ARFGAP3: variants seen among roughly 807,000 people sequenced by gnomAD.
The protein encoded by ARFGAP3 is ARF GTPase activating protein 3.
In ARFGAP3, 72 loss-of-function variants were observed where a neutral mutation model predicts 75.0. The observed-to-expected ratio is 0.96, with a 90% CI of 0.79 to 1.17. The LOEUF is 1.17. Among genes scored for constraint, ARFGAP3 ranks in the 50% most tolerant of loss-of-function variants. The pLI is 0.00. For synonymous variants in ARFGAP3, 221 were observed against 217.9 expected, an observed-to-expected ratio of 1.01 and a Z score of -0.13; for missense variants, 620 against 626.6, an observed-to-expected ratio of 0.99 and a Z score of 0.11.
chr22:42,834,382 A>G, intron 4 of ARFGAP3, 57 bp from the exon 5 acceptor site: 1 of 1,584,530 alleles, frequency 6.3e-7, no homozygotes, highest in Admixed American at 1.9e-5. Context: ...AAAGGATTTT[A>G]TTTGATACCT....
intron 9 of ARFGAP3, among the ~76,000 whole-genome samples, chr22:42,818,546 A>T (rs1243564628): frequency 6.6e-6 from 1 of 152,174 alleles, no homozygotes; most frequent in Non-Finnish European, 1.5e-5. Flanking sequence ...CCTTGCTCTC[A>T]GATTTCTAAA....
intron 4 of ARFGAP3, 152 bp from the exon 5 acceptor site, chr22:42,834,477 C>T (rs550743359): frequency 1.5e-5 from 20 of 1,361,396 alleles, no homozygotes; most frequent in Middle Eastern, 1.9e-4. Context: ...AGGACCTCTG[C>T]GTGCACTTTA....
chr22:42,822,248 A>C (rs112907404), intron 9 of ARFGAP3, 22 bp downstream of exon 9: 2 of 1,585,496 alleles, frequency 1.3e-6, no homozygotes, highest in African/African-American at 2.7e-5. Context: ...AAAATGTATT[A>C]ATATAATGAA....
At chr22:42,855,676 C>G (rs1019214130) in intron 1 of ARFGAP3, among the ~76,000 whole-genome samples, 2 of 149,408 alleles carry the variant, frequency 1.3e-5, no homozygotes, top group Non-Finnish European at 3.0e-5. Flanking sequence ...GAGCAAGGCT[C>G]TGTCTCAAAA....
intron 1 of ARFGAP3, among the ~76,000 whole-genome samples, chr22:42,854,950 C>T (rs1398829293): frequency 8.0e-6 from 1 of 124,274 alleles, no homozygotes; most frequent in Non-Finnish European, 1.9e-5. Context: ...AATCTTATTA[C>T]AGAATATAAA....
chr22:42,841,305 T>C (rs528399281), intron 2 of ARFGAP3, among the ~76,000 whole-genome samples: 2 of 152,310 alleles, frequency 1.3e-5, no homozygotes, highest in East Asian at 3.9e-4. Flanking sequence ...CTTGGTTGGA[T>C]ATGATTTGAA....
chr22:42,801,174 G>C (rs1462740630), intron 14 of ARFGAP3, among the ~76,000 whole-genome samples: 1 of 152,202 alleles, frequency 6.6e-6, no homozygotes, highest in Non-Finnish European at 1.5e-5. Context: ...AACGGGCTGA[G>C]CGTCCTCAGG....
intron 1 of ARFGAP3, among the ~76,000 whole-genome samples, chr22:42,847,985 C>T (rs1004658642): frequency 3.3e-5 from 5 of 151,366 alleles, no homozygotes; most frequent in African/African-American, 1.2e-4. Flanking sequence ...CTGCCTCAGC[C>T]TCCGGAGTAG....
At chr22:42,832,086 T>C (rs955421417) in intron 5 of ARFGAP3, among the ~76,000 whole-genome samples, 11 of 151,644 alleles carry the variant, frequency 7.3e-5, no homozygotes, top group South Asian at 2.1e-4. Flanking sequence ...CCTGGCCTGT[T>C]CTCCTCTTTC....
chr22:42,834,054 A>C (rs922603990), intron 5 of ARFGAP3, among the ~76,000 whole-genome samples, 188 bp downstream of exon 5: 6 of 152,218 alleles, frequency 3.9e-5, no homozygotes, highest in African/African-American at 1.4e-4. Context: ...ACAGCAAAGT[A>C]AGTCCATCAG....
In ARFGAP3 at chr22:42,851,934, T is replaced by C. The variant is rs114092821; in HGVS notation, c.70-4302A>G. On this transcript the variant is annotated intron_variant, in intron 1 of 15. Coordinates refer to ENST00000263245, the MANE Select transcript of ARFGAP3 (RefSeq NM_014570.5). Reference sequence around the variant, plus strand: ...AACGCTTTCATTAGTAGGGTACTAGTAGAAGGTACTATGATCATCCCCATC... The same window carrying C: ...AACGCTTTCATTAGTAGGGTACTAGCAGAAGGTACTATGATCATCCCCATC... Among the ~76,000 whole-genome samples, 1,262 of 152,316 alleles carry C rather than the reference T, an allele frequency of 8.3e-3. 26 individuals carry two copies. Among genetic ancestry groups the C allele is most frequent in the African/African-American group, 0.029 (1,215 of 41,562 alleles).
In ARFGAP3 at chr22:42,817,169, T is replaced by C. The variant is rs776121260; in HGVS notation, c.1037A>G (p.Asp346Gly). The change falls in exon 11 of 16, where the codon GAC becomes GGC. Residue 346 changes from aspartate to glycine, a missense_variant. By Grantham distance (94) the Asp-to-Gly change is moderately conservative. Coordinates refer to ENST00000263245, the MANE Select transcript of ARFGAP3 (RefSeq NM_014570.5). ...TGAGCTGGAAGTAAAATATGAATCG[T>C]CACTGTCATCATTATACTTTTTTCT... is the stretch of plus-strand genomic sequence containing the variant. ...KPRKKYNDDS[D>G]DSYFTSSSSY... The C allele has an allele frequency of 1.9e-6, 3 of 1,612,942 alleles. No individual in the cohort carries two copies. Among genetic ancestry groups the C allele is most frequent in the Non-Finnish European group, 1.7e-6 (2 of 1,179,256 alleles).
intron 2 of ARFGAP3, among the ~76,000 whole-genome samples, chr22:42,846,805 G>C (rs919998248): frequency 6.6e-6 from 1 of 152,202 alleles, no homozygotes; most frequent in Non-Finnish European, 1.5e-5. Flanking sequence ...TCTGTACTTT[G>C]TACTGCCGAA....
At chr22:42,812,633 G>C (rs1380055190) in intron 11 of ARFGAP3, among the ~76,000 whole-genome samples, 1 of 152,194 alleles carries the variant, frequency 6.6e-6, no homozygotes, top group African/African-American at 2.4e-5. Context: ...GAAATGCTAA[G>C]AACACATTTA....
At chr22:42,833,390 C>A (rs1555898611) in intron 5 of ARFGAP3, among the ~76,000 whole-genome samples, 1 of 152,124 alleles carries the variant, frequency 6.6e-6, no homozygotes, top group Non-Finnish European at 1.5e-5. Context: ...ATAAGACATG[C>A]AACTAAATTC....
At chr22:42,841,440 G>A (rs532218969) in intron 2 of ARFGAP3, among the ~76,000 whole-genome samples, 2 of 152,260 alleles carry the variant, frequency 1.3e-5, no homozygotes, top group African/African-American at 4.8e-5. Flanking sequence ...TCACAAGGTA[G>A]AAGAGACCTA....
intron 14 of ARFGAP3, among the ~76,000 whole-genome samples, chr22:42,804,124 G>A (rs527908182): frequency 3.3e-5 from 5 of 151,748 alleles, no homozygotes; most frequent in Admixed American, 6.6e-5. Context: ...GGCTGGTCTG[G>A]AACTCCTGAG....
At chr22:42,812,264 A>G (rs962110595) in intron 11 of ARFGAP3, among the ~76,000 whole-genome samples, 6 of 149,164 alleles carry the variant, frequency 4.0e-5, no homozygotes, top group African/African-American at 1.5e-4. Flanking sequence ...GTGCCATGCC[A>G]GAATTCACGA....
At chr22:42,834,100 A>C in intron 5 of ARFGAP3, 142 bp downstream of exon 5, 5 of 759,076 alleles carry the variant, frequency 6.6e-6, no homozygotes, top group Non-Finnish European at 1.1e-5. Context: ...AATTGTTGAT[A>C]ATGTCATTTC....
Sources: gnomAD v4.1 joint callset for allele counts (sites outside exome capture counted in the v4.1 genomes callset) on GRCh38, gnomAD v4.1.1 for gene constraint, MANE v1.5 for transcripts, NCBI Gene and HGNC (gene_info 2026-07-23, HGNC 2026-07-21) for gene names.